The following CD163L1 variants were observed in gnomAD, a reference collection of about 807,000 sequenced individuals.
CD163L1 encodes the protein scavenger receptor cysteine-rich type 1 protein M160.
Under a neutral mutation model 165.4 loss-of-function variants are expected in CD163L1, and 124 were observed. That is an observed-to-expected ratio of 0.75 (90% CI 0.65 to 0.87). The LOEUF (loss-of-function observed/expected upper bound fraction) is 0.87. Among genes scored for constraint, CD163L1 ranks in the 40% least tolerant of loss-of-function variants. The probability of loss-of-function intolerance (pLI) is 0.00; values close to 1 mark genes in which losing one functional copy is unlikely to be tolerated. For synonymous variants in CD163L1, 585 were observed against 662.2 expected (o/e 0.88, Z 1.79); for missense variants, 1,525 against 1,799.9 (o/e 0.85, Z 2.76).
In CD163L1 at chr12:7,398,491, C is replaced by T; in HGVS notation, c.1502G>A (p.Cys501Tyr). The change falls in exon 7 of 20, where the codon TGT becomes TAT. Residue 501 changes from cysteine to tyrosine, a missense_variant. Transcript: ENST00000313599. This position sits in a 1 kb window ranked among gnomAD's most constrained non-coding sequence, Gnocchi z 4.5. The part of the protein sequence containing the change: ...VKYQGEWGTV[C>Y]HDRWSTRNAA... ...ATTCCTTGTGCTCCATCTGTCATGA[C>T]ACACAGTCCCCCACTCTCCTTGGTA... is the stretch of plus-strand genomic sequence containing the variant. 1 of 1,614,026 alleles carries T rather than the reference C, an allele frequency of 6.2e-7. No individual in the cohort carries two copies. Among genetic ancestry groups the T allele is most frequent in the Non-Finnish European group, 8.5e-7 (1 of 1,179,934 alleles).
intron 1 of CD163L1, among the ~76,000 whole-genome samples, chr12:7,442,855 C>T (rs1948847874): frequency 6.6e-6 from 1 of 152,168 alleles, no homozygotes; most frequent in African/African-American, 2.4e-5. Context: ...ATAGTAAGCT[C>T]TGACACCAGC....
the CD163L1 span, chr12:7,328,561 A>G: frequency 2.7e-6 from 1 of 366,980 alleles, no homozygotes; most frequent in Non-Finnish European, 5.0e-6. Flanking sequence ...AAACGTATGG[A>G]TGAAAATTGT....
chr12:7,326,147 T>C, the CD163L1 span, among the ~76,000 whole-genome samples: 4 of 152,268 alleles, frequency 2.6e-5, no homozygotes, highest in African/African-American at 7.2e-5. Flanking sequence ...GCAAACAATA[T>C]GAGGCAAAAA....
downstream of CD163L1, among the ~76,000 whole-genome samples, chr12:7,344,075 G>T (rs1946653647): frequency 6.6e-6 from 1 of 151,336 alleles, no homozygotes; most frequent in African/African-American, 2.4e-5. Flanking sequence ...CAATCACTAA[G>T]CCTTTTTTTT....
chr12:7,366,889 T>G (rs10844995), intron 18 of CD163L1, among the ~76,000 whole-genome samples: 96,468 of 151,952 alleles, frequency 0.63, 32,958 homozygotes, highest in Non-Finnish European at 0.76. Context: ...TAGAATGTAA[T>G]GAAATTGGAA....
Position 7,398,535 on chromosome 12 carries a change from A to C in CD163L1, c.1458T>G (p.Tyr486Ter), listed in dbSNP as rs148659496. Residue 486 changes from tyrosine (Y) to a stop codon, truncating the protein, a stop_gained, in exon 7 of 20, where the codon TAT becomes TAG. Coordinates refer to ENST00000313599, the MANE Select transcript of CD163L1 (RefSeq NM_174941.6). LOFTEE classifies it high-confidence loss of function. This position sits in a 1 kb window ranked among gnomAD's most constrained non-coding sequence, Gnocchi z 4.5. ...CTTGGTATTTCACCTCCAATCTCCC[A>C]TAACAGGGGCTATGAGCCCCGACAA... ...LRLVGAHSPCYGRLEVKYQGE... is the reference protein window; with the variant it reads ...LRLVGAHSPC 1.2e-6 allele frequency: 2 copies of C among 1,610,834 alleles called. No homozygotes were observed. The highest frequency in any genetic ancestry group is 4.5e-5 in the East Asian group (2 of 44,842).
At chr12:7,420,191 T>C (rs1948321561) in intron 4 of CD163L1, among the ~76,000 whole-genome samples, 1 of 152,092 alleles carries the variant, frequency 6.6e-6, no homozygotes, top group Admixed American at 6.6e-5. Flanking sequence ...TCTCTCACTC[T>C]ATACAAAAAT....
the CD163L1 span, among the ~76,000 whole-genome samples, chr12:7,339,580 T>C: frequency 1.4e-4 from 21 of 152,258 alleles, no homozygotes; most frequent in East Asian, 3.7e-3. Context: ...GCTAACCCCA[T>C]GCTCAGTTCT....
intron 4 of CD163L1, among the ~76,000 whole-genome samples, chr12:7,407,729 TAAG>T (rs760352443): frequency 6.7e-6 from 1 of 150,050 alleles, no homozygotes; most frequent in Admixed American, 6.7e-5. Context: ...AATATGGAAA[TAAG>T]GAAAGCCTGA....
chr12:7,393,166 A>G (rs780972323), intron 8 of CD163L1, among the ~76,000 whole-genome samples: 2 of 152,344 alleles, frequency 1.3e-5, no homozygotes, highest in Admixed American at 6.5e-5. Context: ...CGATGCAAAA[A>G]TCCTCAATAA....
chr12:7,432,510 G>A lies in CD163L1; in HGVS notation c.672C>T (p.Cys224=). 1 of 1,614,040 alleles carries A rather than the reference G, an allele frequency of 6.2e-7. No homozygotes were observed. Among genetic ancestry groups the A allele is most frequent in the Non-Finnish European group, 8.5e-7 (1 of 1,180,002 alleles). Residue 224 remains cysteine (C), a synonymous_variant, in exon 4 of 20, where the codon TGC becomes TGT. Coordinates refer to ENST00000313599, the MANE Select transcript of CD163L1 (RefSeq NM_174941.6). This position sits in a 1 kb window ranked among gnomAD's most constrained non-coding sequence, Gnocchi z 4.2. The part of the protein sequence containing the change: ...LRPIWLDDIL[C]QGNELALWNC... ...TCCAGAGTGCCAACTCATTCCCCTG[G>A]CATAAAATGTCATCCAGCCAAATGG...
At chr12:7,412,383 A>C (rs973995175) in intron 4 of CD163L1, among the ~76,000 whole-genome samples, 11 of 152,222 alleles carry the variant, frequency 7.2e-5, no homozygotes, top group African/African-American at 2.7e-4. Context: ...CAGGACACCA[A>C]AATTACATAA....
chr12:7,346,674 T>C (rs1946672325), downstream of CD163L1: 1 of 152,214 alleles, frequency 6.6e-6, no homozygotes, highest in African/African-American at 2.4e-5. Flanking sequence ...CACCTAGGTA[T>C]TTTAAGCAGG....
chr12:7,421,105 ACATT>A (rs1374885392), intron 4 of CD163L1, among the ~76,000 whole-genome samples: 451 of 120,350 alleles, frequency 3.7e-3, no homozygotes, highest in Middle Eastern at 9.1e-3. Flanking sequence ...ATGTATATAT[ACATT>A]TGGAAGAAAA....
intron 4 of CD163L1, among the ~76,000 whole-genome samples, chr12:7,412,362 G>A (rs1016272237): frequency 3.9e-5 from 6 of 152,154 alleles, no homozygotes; most frequent in Non-Finnish European, 8.8e-5. Flanking sequence ...ACTCTCATAT[G>A]CTGTATTACG....
At chr12:7,403,395 G>T in intron 6 of CD163L1, 140 bp downstream of exon 6, 1 of 776,892 alleles carries the variant, frequency 1.3e-6, no homozygotes, top group Non-Finnish European at 2.0e-6. Context: ...CATTTGAAAA[G>T]TTCTTTGTGC....
chr12:7,408,538 T>G (rs1948074577), intron 4 of CD163L1, among the ~76,000 whole-genome samples: 1 of 152,216 alleles, frequency 6.6e-6, no homozygotes, highest in Non-Finnish European at 1.5e-5. Context: ...CTATATACAG[T>G]GTGAAATATT....
At position 7,357,482 on chromosome 12, in the gene CD163L1, G is replaced by A; in HGVS notation, c.4284C>T (p.Asp1428=). 1 of 1,612,296 alleles carries A rather than the reference G, an allele frequency of 6.2e-7. No homozygotes were observed. Among genetic ancestry groups the A allele is most frequent in the Non-Finnish European group, 8.5e-7 (1 of 1,178,792 alleles). Residue 1428 remains aspartate (D), a synonymous_variant, in exon 19 of 20, where the codon GAC becomes GAT. Transcript: ENST00000313599. ...CATCTTCACAACCATGGTTGGGGGTGTCATCTGAAAGAAAGGCAAAATCTG... is the reference window on the plus strand; with the variant it reads ...CATCTTCACAACCATGGTTGGGGGTATCATCTGAAAGAAAGGCAAAATCTG... ...EDPHGTRTSD[D]TPNHGCEDAS... is the part of the protein sequence containing the mutation.
At chr12:7,324,512 C>T in the CD163L1 span, 1 of 1,613,880 alleles carries the variant, frequency 6.2e-7, no homozygotes, top group African/African-American at 1.3e-5. Flanking sequence ...CCGTATTGGG[C>T]CATTTGAAGT....
Sources: gnomAD v4.1 joint callset for allele counts (sites outside exome capture counted in the v4.1 genomes callset) on GRCh38, gnomAD v4.1.1 for gene constraint, Gnocchi (gnomAD v3.1) non-coding constraint, MANE v1.5 for transcripts, NCBI Gene and HGNC (gene_info 2026-07-23, HGNC 2026-07-21) for gene names.